The following DNAAF4 variants were observed in gnomAD, a reference collection of about 807,000 sequenced individuals.
The protein encoded by DNAAF4 is dynein axonemal assembly factor 4.
In DNAAF4, 43 loss-of-function variants were observed where a neutral mutation model predicts 51.8. That is an observed-to-expected ratio of 0.83 (90% confidence interval 0.65 to 1.07). The LOEUF (loss-of-function observed/expected upper bound fraction) is 1.07. Ranked by LOEUF, DNAAF4 falls within the 50% of genes least tolerant of loss-of-function variation. The pLI is 0.00. For missense variants in DNAAF4, 581 were observed against 493.0 expected (o/e 1.18, Z -1.69); for synonymous variants, 194 against 165.6 (o/e 1.17, Z -1.32).
chr15:55,426,701 T>A (rs2057433759), downstream of DNAAF4, among the ~76,000 whole-genome samples: 2 of 152,304 alleles, frequency 1.3e-5, no homozygotes, highest in East Asian at 3.9e-4. Flanking sequence ...ATTACAGGCA[T>A]GAGCCACTGA....
At chr15:55,479,029 G>A (rs535588941) in intron 4 of DNAAF4, among the ~76,000 whole-genome samples, 2 of 151,868 alleles carry the variant, frequency 1.3e-5, no homozygotes, top group Admixed American at 1.3e-4. Flanking sequence ...CCTTAGTTAA[G>A]GCTACTTTAA....
Position 55,486,434 on chromosome 15 carries a change from T to A in DNAAF4, c.405+4689A>T, listed in dbSNP as rs533284274. On this transcript the variant is annotated intron_variant, in intron 4 of 9. Coordinates refer to ENST00000321149, the MANE Select transcript of DNAAF4 (RefSeq NM_130810.4). ...ATCTTGAACTCCTGACTTCAGGTGATCCACCTGCCTCGGCCTTCCAAAGTG... is the reference window on the plus strand; with the variant it reads ...ATCTTGAACTCCTGACTTCAGGTGAACCACCTGCCTCGGCCTTCCAAAGTG... Among the ~76,000 whole-genome samples the A allele has an allele frequency of 1.6e-4, 25 of 152,220 alleles. No homozygotes were observed. The South Asian group carries it at 5.0e-3, about 30-fold the overall frequency.
chr15:55,479,231 C>A (rs1179195375), intron 4 of DNAAF4, among the ~76,000 whole-genome samples: 1 of 151,764 alleles, frequency 6.6e-6, no homozygotes, highest in African/African-American at 2.4e-5. Flanking sequence ...TTGGGCAACT[C>A]AGAGTACTTC....
chr15:55,481,062 G>T (rs2058403046), intron 4 of DNAAF4, among the ~76,000 whole-genome samples: 1 of 152,270 alleles, frequency 6.6e-6, no homozygotes, highest in South Asian at 2.1e-4. Context: ...GTTAAGAGGT[G>T]TCTTCTGCCA....
chr15:55,450,018 C>T (rs564480327), intron 6 of DNAAF4, among the ~76,000 whole-genome samples: 4 of 152,066 alleles, frequency 2.6e-5, no homozygotes, highest in African/African-American at 9.6e-5. Flanking sequence ...TATATTAAGT[C>T]GGTATTCTCT....
At chr15:55,455,294 A>G (rs2058001385) in intron 5 of DNAAF4, among the ~76,000 whole-genome samples, 3 of 149,610 alleles carry the variant, frequency 2.0e-5, no homozygotes, top group Non-Finnish European at 4.4e-5. Context: ...TTGGTATACA[A>G]TCTAGACAAG....
At chr15:55,450,704 C>G in intron 5 of DNAAF4, among the ~76,000 whole-genome samples, 1 of 152,180 alleles carries the variant, frequency 6.6e-6, no homozygotes, top group Non-Finnish European at 1.5e-5. Context: ...AATACCATCT[C>G]TATCTCCTTA....
intron 8 of DNAAF4, among the ~76,000 whole-genome samples, chr15:55,433,386 G>A (rs1465083562): frequency 3.3e-5 from 5 of 151,994 alleles, no homozygotes; most frequent in Middle Eastern, 3.4e-3. Flanking sequence ...CCAGGCGGGC[G>A]GAGGCCCAGG....
chr15:55,448,972 T>G (rs1440242940), intron 6 of DNAAF4, among the ~76,000 whole-genome samples: 1 of 151,672 alleles, frequency 6.6e-6, no homozygotes, highest in South Asian at 2.1e-4. Flanking sequence ...ATTATTTATA[T>G]TGTCATTATG....
In DNAAF4 at chr15:55,483,840, T is replaced by A. The variant is rs1421108530; in HGVS notation, c.405+7283A>T. Among the ~76,000 whole-genome samples the A allele has an allele frequency of 8.1e-3, 329 of 40,764 alleles. 26 individuals are homozygous for A. The highest frequency in any genetic ancestry group is 0.037 in the African/African-American group (321 of 8,714). 26.7% of individuals were successfully genotyped at this position (40,764 alleles called of 152,430 possible). A position where few individuals can be genotyped will look rare whatever the true frequency, so the allele number is the denominator to read the frequency against. On this transcript the variant is annotated intron_variant, in intron 4 of 9. Transcript: ENST00000321149. ...CACACCCAGCCAATAAAGCTTTTTTTTTTTTTTTTTTTTTTTTTTTTTTTT... is the reference window on the plus strand; with the variant it reads ...CACACCCAGCCAATAAAGCTTTTTTATTTTTTTTTTTTTTTTTTTTTTTTT...
intron 7 of DNAAF4, among the ~76,000 whole-genome samples, chr15:55,437,443 A>G (rs545955993): frequency 1.3e-5 from 2 of 152,176 alleles, no homozygotes; most frequent in Non-Finnish European, 2.9e-5. Context: ...ACAAGAGAAA[A>G]GACCAAGAAA....
At chr15:55,488,571 T>G (rs2058525188) in intron 4 of DNAAF4, among the ~76,000 whole-genome samples, 1 of 152,196 alleles carries the variant, frequency 6.6e-6, no homozygotes, top group Non-Finnish European at 1.5e-5. Flanking sequence ...TTCAAATGTT[T>G]GAGCACCAAT....
intron 5 of DNAAF4, among the ~76,000 whole-genome samples, chr15:55,451,408 C>G (rs919361266): frequency 6.6e-6 from 1 of 152,144 alleles, no homozygotes; most frequent in Non-Finnish European, 1.5e-5. Flanking sequence ...TTAACTGTTG[C>G]TCACTCATAA....
At chr15:55,420,706 T>A (rs1360488509) in intron 7 of DNAAF4, among the ~76,000 whole-genome samples, 2 of 152,202 alleles carry the variant, frequency 1.3e-5, no homozygotes, top group Non-Finnish European at 2.9e-5. Context: ...CCAAGTGAAT[T>A]ATGCAATAAC....
intron 6 of DNAAF4, among the ~76,000 whole-genome samples, chr15:55,444,092 G>T (rs1019038269): frequency 3.3e-5 from 5 of 152,034 alleles, no homozygotes; most frequent in African/African-American, 1.2e-4. Flanking sequence ...CATTGCTTTT[G>T]GTGTTTTAGA....
At chr15:55,417,835 G>A (rs1424242236) in exon 8 of DNAAF4, 2 of 273,994 alleles carry the variant, frequency 7.3e-6, no homozygotes, top group African/African-American at 4.5e-5. Context: ...AGGGAGATAG[G>A]GGTGGGGCCG....
intron 5 of DNAAF4, among the ~76,000 whole-genome samples, chr15:55,454,294 C>CT (rs1042719247): frequency 2.6e-5 from 4 of 151,256 alleles, no homozygotes; most frequent in African/African-American, 9.7e-5. Context: ...GAGCAAGACT[C>CT]TGTCTCAAAA....
intron 4 of DNAAF4, among the ~76,000 whole-genome samples, chr15:55,479,299 G>A (rs1352281105): frequency 6.6e-6 from 1 of 151,984 alleles, no homozygotes; most frequent in East Asian, 1.9e-4. Flanking sequence ...AGCCGCAGCA[G>A]AGGAACATAA....
chr15:55,470,107 A>G (rs190720982), intron 4 of DNAAF4, among the ~76,000 whole-genome samples: 46 of 150,818 alleles, frequency 3.1e-4, no homozygotes, highest in African/African-American at 9.8e-4. Flanking sequence ...GCTGGAGTGC[A>G]GTGGCACGAT....
Sources: gnomAD v4.1 joint callset for allele counts (sites outside exome capture counted in the v4.1 genomes callset) on GRCh38, gnomAD v4.1.1 for gene constraint, MANE v1.5 for transcripts, NCBI Gene and HGNC (gene_info 2026-07-23, HGNC 2026-07-21) for gene names.